The following ESPNL variants were observed in gnomAD, a reference collection of about 807,000 sequenced individuals.
ESPNL encodes the protein espin like.
ESPNL carries 49 observed loss-of-function variants against 46.8 expected under a neutral mutation model. That is an observed-to-expected ratio of 1.05 (90% CI 0.83 to 1.33). The LOEUF is 1.33. Ranked by LOEUF, ESPNL falls within the 40% of genes most tolerant of loss-of-function variation. ESPNL has a pLI of 0.00. For missense variants in ESPNL, 1,540 were observed against 1,436.6 expected, an observed-to-expected ratio of 1.07 and a Z score of -1.16; for synonymous variants, 664 against 662.1, an observed-to-expected ratio of 1.00 and a Z score of -0.04.
chr2:238,118,806 GA>G (rs772586164), intron 5 of ESPNL, among the ~76,000 whole-genome samples: 72 of 88,684 alleles, frequency 8.1e-4, no homozygotes, highest in African/African-American at 1.3e-3. Flanking sequence ...GATGGAGGAG[GA>G]ATGGATGGAG....
At chr2:238,105,512 CAAAAAA>C (rs58809990) in intron 3 of ESPNL, among the ~76,000 whole-genome samples, 1 of 98,006 alleles carries the variant, frequency 1.0e-5, no homozygotes, top group African/African-American at 3.9e-5. Context: ...GACTCTGTCT[CAAAAAA>C]AAAAAAAAAA....
intron 5 of ESPNL, among the ~76,000 whole-genome samples, chr2:238,123,040 C>T (rs1419472192): frequency 6.6e-6 from 1 of 152,206 alleles, no homozygotes; most frequent in Middle Eastern, 3.2e-3. Context: ...TGCTTTGAGG[C>T]GTTCCCTTGC....
At chr2:238,119,106 T>G in intron 5 of ESPNL, among the ~76,000 whole-genome samples, 1 of 77,856 alleles carries the variant, frequency 1.3e-5, no homozygotes, top group African/African-American at 6.1e-5. Context: ...TGGAAGAGGA[T>G]GGATGGAGGA....
intron 4 of ESPNL, among the ~76,000 whole-genome samples, chr2:238,111,728 A>G (rs1296618460): frequency 6.6e-6 from 1 of 152,198 alleles, no homozygotes; most frequent in Admixed American, 6.5e-5. Context: ...ATTGTGAATC[A>G]TGCTACCATG....
In ESPNL at chr2:238,114,689, T is replaced by C. The variant is rs1166879834; in HGVS notation, c.856-2214T>C. ...GGGGAAGGGGTGTGCGCACGCCTGA[T>C]TTTGTGTGGCCCCACAAGCTCAAAA... On this transcript the variant is annotated intron_variant, in intron 4 of 8. Transcript: ENST00000343063. This position sits in a 1 kb window ranked among gnomAD's most constrained non-coding sequence, Gnocchi z 5.0. Among the ~76,000 whole-genome samples the C allele has an allele frequency of 2.0e-5, 3 of 152,174 alleles. No homozygotes were observed. Among genetic ancestry groups the C allele is most frequent in the Non-Finnish European group, 4.4e-5 (3 of 68,048 alleles).
chr2:238,126,228 C>CTG (rs55760814), intron 6 of ESPNL, among the ~76,000 whole-genome samples: 12,307 of 137,288 alleles, frequency 0.09, 535 homozygotes, highest in East Asian at 0.13. Context: ...GTGTCTGTGT[C>CTG]TGTATTGTAT....
chr2:238,129,687 G>T (rs544771954), intron 8 of ESPNL, among the ~76,000 whole-genome samples: 4 of 152,236 alleles, frequency 2.6e-5, no homozygotes, highest in African/African-American at 9.7e-5. Flanking sequence ...CTGTGCCCCC[G>T]GCCCAGCGCT....
chr2:238,131,825 A>C lies in ESPNL; in HGVS notation c.*93A>C. ...TGCTCACACCCTTGGTGTTCAGGTG[A>C]GCCGGGCAAGGCTGCCTCCAGTCCT... On this transcript the variant is annotated 3_prime_UTR_variant, in exon 9 of 9. Transcript: ENST00000343063. 1.4e-6 allele frequency: 2 copies of C among 1,411,784 alleles called. No individual in the cohort carries two copies. The highest frequency in any genetic ancestry group is 2.8e-5 in the South Asian group (2 of 72,568). 87.5% of individuals were successfully genotyped at this position (1,411,784 alleles called of 1,614,324 possible).
intron 2 of ESPNL, 29 bp downstream of exon 2, chr2:238,102,160 G>C (rs768755177): frequency 2.7e-6 from 4 of 1,497,794 alleles, no homozygotes; most frequent in Admixed American, 2.1e-5. Context: ...CGCCTGGGGG[G>C]GCAGCCTGGG....
At chr2:238,102,201 G>C in intron 2 of ESPNL, 70 bp downstream of exon 2, 1 of 1,319,850 alleles carries the variant, frequency 7.6e-7, no homozygotes, top group Non-Finnish European at 1.0e-6. Flanking sequence ...CTGCACCATG[G>C]AGGGCCAAGA....
chr2:238,107,303 G>A (rs1691617452), intron 3 of ESPNL, among the ~76,000 whole-genome samples: 1 of 152,082 alleles, frequency 6.6e-6, no homozygotes, highest in Non-Finnish European at 1.5e-5. Context: ...GGCAGGTCAG[G>A]GCCCCAAACC....
intron 2 of ESPNL, among the ~76,000 whole-genome samples, chr2:238,102,702 G>A (rs1413577234): frequency 1.3e-5 from 2 of 152,154 alleles, no homozygotes; most frequent in African/African-American, 2.4e-5. Flanking sequence ...AGCCAGTAAG[G>A]CAGATGGCCT....
chr2:238,131,422 C>T lies in ESPNL; in HGVS notation c.2708C>T (p.Ala903Val), dbSNP rs1220418129. The change falls in exon 9 of 9, where the codon GCC becomes GTC. Residue 903 changes from alanine (A) to valine (V), a missense_variant. By Grantham distance (64) the Ala-to-Val change is moderately conservative. Coordinates refer to ENST00000343063, the MANE Select transcript of ESPNL (RefSeq NM_194312.4). ...GAGGCTGTGCGCGCCTTCCACAAGG[C>T]CGTGACCGACGAGGTGGCCGCCGGC... ...GWEAVRAFHKAVTDEVAAGRR... is the reference protein window; with the variant it reads ...GWEAVRAFHKVVTDEVAAGRR... The T allele has an allele frequency of 3.1e-6, 5 of 1,608,644 alleles. No individual in the cohort carries two copies. The South Asian group carries it at 5.5e-5, about 18-fold the overall frequency.
rs774365332 is a variant in ESPNL, at chr2:238,127,627, T to G, written c.1108T>G (p.Ser370Ala). ...ACCCTTCTTCTTCTTGGCAGCCATG[T>G]CCCTCAGCCCGGCCTGGCCTGGCCA... ...GPGPGNPSPM[S>A]LSPAWPGHPD... Residue 370 changes from serine to alanine, a missense_variant, in exon 7 of 9, where the codon TCC (serine) becomes GCC (alanine). Transcript: ENST00000343063. 7 of 1,605,098 alleles carry G rather than the reference T, an allele frequency of 4.4e-6. No homozygotes were observed. The highest frequency in any genetic ancestry group is 5.9e-6 in the Non-Finnish European group (7 of 1,176,498).
intron 2 of ESPNL, among the ~76,000 whole-genome samples, chr2:238,103,852 C>G (rs1691538379): frequency 6.6e-6 from 1 of 152,144 alleles, no homozygotes; most frequent in South Asian, 2.1e-4. Context: ...GTCCTGTGTC[C>G]CCCTTGCTAG....
chr2:238,128,568 GGC>G, intron 7 of ESPNL, 137 bp from the exon 8 acceptor site: 1 of 704,406 alleles, frequency 1.4e-6, no homozygotes, highest in Non-Finnish European at 2.4e-6. Flanking sequence ...TGCTGTCCGT[GGC>G]CCCCACTGTC....
rs12692212 is a variant in ESPNL at position 238,114,633 on chromosome 2, G to A, written c.856-2270G>A. On this transcript the variant is annotated intron_variant, in intron 4 of 8. Coordinates refer to ENST00000343063, the MANE Select transcript of ESPNL (RefSeq NM_194312.4). This position sits in a 1 kb window ranked among gnomAD's most constrained non-coding sequence, Gnocchi z 5.0. ...TCTGGGCCTCCAGGAGCCTTCAGGC[G>A]TTATCTGGTTCAAGCCTCCCAGCAG... is the stretch of plus-strand genomic sequence containing the variant. Among the ~76,000 whole-genome samples, 24,965 of 152,196 alleles carry A rather than the reference G, an allele frequency of 0.16. 2,146 individuals carry two copies. Among genetic ancestry groups the A allele is most frequent in the East Asian group, 0.23 (1,211 of 5,172 alleles).
In ESPNL at chr2:238,107,834, G is replaced by T. The variant is rs760739385; in HGVS notation, c.716G>T (p.Gly239Val). ...GGACTCACGGCACGGGACAATGAGGGGGCCACGGCCCTGCACTTTGCAGCC... is the reference window on the plus strand; with the variant it reads ...GGACTCACGGCACGGGACAATGAGGTGGCCACGGCCCTGCACTTTGCAGCC... ...DIGLTARDNEGATALHFAARG... is the reference protein window; with the variant it reads ...DIGLTARDNEVATALHFAARG... Residue 239 changes from glycine (G) to valine (V), a missense_variant, in exon 4 of 9, where the codon GGG (glycine) becomes GTG (valine). Transcript: ENST00000343063. 1.9e-6 allele frequency: 3 copies of T among 1,606,198 alleles called. No individual in the cohort carries two copies. Among genetic ancestry groups the T allele is most frequent in the Non-Finnish European group, 2.5e-6 (3 of 1,176,720 alleles).
chr2:238,102,102 C>G lies in ESPNL; in HGVS notation c.456C>G (p.Cys152Trp). ...HHAAVSGDLT[C>W]LKLLTAAHGS... ...CTGCCGTCAGTGGGGACCTGACCTGCCTCAAGCTCCTGACAGCCGCGCATG... is the reference window on the plus strand; with the variant it reads ...CTGCCGTCAGTGGGGACCTGACCTGGCTCAAGCTCCTGACAGCCGCGCATG... The change falls in exon 2 of 9, where the codon TGC (cysteine) becomes TGG (tryptophan). Residue 152 changes from cysteine (C) to tryptophan (W), a missense_variant. By Grantham distance (215) the Cys-to-Trp change is radical. Coordinates refer to ENST00000343063, the MANE Select transcript of ESPNL (RefSeq NM_194312.4). The G allele has an allele frequency of 6.4e-7, 1 of 1,565,650 alleles. No individual in the cohort carries two copies. Among genetic ancestry groups the G allele is most frequent in the Non-Finnish European group, 8.6e-7 (1 of 1,156,494 alleles).
Sources: allele counts gnomAD v4.1 joint callset (sites outside exome capture counted in the v4.1 genomes callset), GRCh38; gene constraint gnomAD v4.1.1; non-coding constraint Gnocchi (gnomAD v3.1); transcripts MANE v1.5; gene names NCBI Gene and HGNC (gene_info 2026-07-23, HGNC 2026-07-21).